ZNF462: variants seen among roughly 807,000 people sequenced by gnomAD.
ZNF462 encodes the protein zinc finger PBX1-interacting protein.
ZNF462 carries 10 observed loss-of-function variants against 201.9 expected under a neutral mutation model. The observed-to-expected ratio is 0.05, with a 90% CI of 0.03 to 0.08. The LOEUF (loss-of-function observed/expected upper bound fraction) is 0.08, where lower values mean the gene tolerates loss of function less well. ZNF462 is among the 10% of genes least tolerant of loss of function. ZNF462 has a pLI of 1.00. For synonymous variants in ZNF462, 1,227 were observed against 1,193.3 expected (o/e 1.03, Z -0.58); for missense variants, 2,523 against 3,168.3 (o/e 0.80, Z 4.89).
At chr9:106,985,851 T>G (rs1480657737) in intron 10 of ZNF462, among the ~76,000 whole-genome samples, 2 of 152,188 alleles carry the variant, frequency 1.3e-5, no homozygotes, top group Non-Finnish European at 2.9e-5. Context: ...GTAACTTCTC[T>G]GCTTTGGAAT....
intron 1 of ZNF462, among the ~76,000 whole-genome samples, chr9:106,864,039 G>GCTCGCTCGCTCTCTCTCT (rs1827179488): frequency 4.4e-5 from 1 of 22,722 alleles, no homozygotes; most frequent in African/African-American, 1.2e-4. Context: ...CAGGTATTTG[G>GCTCGCTCGCTCTCTCTCT]CTCTCTCTCT....
At position 106,930,370 on chromosome 9, in the gene ZNF462, A is replaced by G. The variant is rs145231950; in HGVS notation, c.5848-155A>G. On this transcript the variant is annotated intron_variant, in intron 3 of 12. Transcript: ENST00000277225. This position sits in a 1 kb window ranked among gnomAD's most constrained non-coding sequence, Gnocchi z 5.8. ...TAGTAGGCAGCGTGCCATGATGCTGACAAATTTGTTATATAAAAATACTCG... is the reference window on the plus strand; with the variant it reads ...TAGTAGGCAGCGTGCCATGATGCTGGCAAATTTGTTATATAAAAATACTCG... Among the ~76,000 whole-genome samples the G allele has an allele frequency of 2.0e-3, 304 of 152,320 alleles. No individual in the cohort carries two copies. The highest frequency in any genetic ancestry group is 6.9e-3 in the African/African-American group (288 of 41,566).
At position 106,932,329 on chromosome 9, in the gene ZNF462, G is replaced by T. The variant is rs534931811; in HGVS notation, c.6013-117G>T. Reference sequence around the variant, plus strand: ...GGAAGCAGCCAAAGACGCCAGTGGCGCCCTGGTGGGCCGGGTGGATGGTGA... The same window carrying T: ...GGAAGCAGCCAAAGACGCCAGTGGCTCCCTGGTGGGCCGGGTGGATGGTGA... On this transcript the variant is annotated intron_variant, in intron 4 of 12. Transcript: ENST00000277225. This position sits in a 1 kb window ranked among gnomAD's most constrained non-coding sequence, Gnocchi z 6.8. The T allele has an allele frequency of 6.4e-7, 1 of 1,561,966 alleles. No homozygotes were observed. Among genetic ancestry groups the T allele is most frequent in the Non-Finnish European group, 8.7e-7 (1 of 1,152,742 alleles).
intron 1 of ZNF462, among the ~76,000 whole-genome samples, chr9:106,866,570 C>T (rs975850794): frequency 4.6e-5 from 7 of 152,126 alleles, no homozygotes; most frequent in African/African-American, 1.4e-4. Context: ...TTTAAAAATA[C>T]TTCTGTTAGA....
chr9:107,004,764 A>G (rs1324351437), intron 11 of ZNF462, among the ~76,000 whole-genome samples: 2 of 152,168 alleles, frequency 1.3e-5, no homozygotes, highest in African/African-American at 2.4e-5. Context: ...ATTGTCAGGT[A>G]TACAATATGT....
At position 107,010,079 on chromosome 9, in the gene ZNF462, G is replaced by A. The variant is rs1588214050; in HGVS notation, c.7313+411G>A. 6.6e-6 allele frequency among the ~76,000 whole-genome samples: 1 copy of A among 152,044 alleles called. No individual in the cohort carries two copies. Among genetic ancestry groups the A allele is most frequent in the African/African-American group, 2.4e-5 (1 of 41,386 alleles). On this transcript the variant is annotated intron_variant, in intron 12 of 12. Coordinates refer to ENST00000277225, the MANE Select transcript of ZNF462 (RefSeq NM_021224.6). This position sits in a 1 kb window ranked among gnomAD's most constrained non-coding sequence, Gnocchi z 4.6. Reference sequence around the variant, plus strand: ...CCTGAACATTCCCATGTACTGCCTCGGGGACAGAGCCAGCTTCTGCCTGCC... The same window carrying A: ...CCTGAACATTCCCATGTACTGCCTCAGGGACAGAGCCAGCTTCTGCCTGCC...
chr9:106,948,255 A>G (rs879280539), intron 7 of ZNF462, among the ~76,000 whole-genome samples: 1 of 152,196 alleles, frequency 6.6e-6, no homozygotes, highest in Non-Finnish European at 1.5e-5. Context: ...GCCAGACGAC[A>G]GGAGTACTTA....
At chr9:106,934,076 A>G (rs1359665635) in intron 5 of ZNF462, among the ~76,000 whole-genome samples, 1 of 152,216 alleles carries the variant, frequency 6.6e-6, no homozygotes, top group Non-Finnish European at 1.5e-5. Flanking sequence ...CATTTATTGC[A>G]TCTCACTATA....
Position 107,012,999 on chromosome 9 carries a change from A to T in ZNF462, c.*1969A>T, listed in dbSNP as rs1344237075. Reference sequence around the variant, plus strand: ...GAAAGTGTGAACTATCCAGACAAAGATTCATTTTGTGTCTATATTTGTTTT... The same window carrying T: ...GAAAGTGTGAACTATCCAGACAAAGTTTCATTTTGTGTCTATATTTGTTTT... On this transcript the variant is annotated 3_prime_UTR_variant, in exon 13 of 13. Coordinates refer to ENST00000277225, the MANE Select transcript of ZNF462 (RefSeq NM_021224.6). 3.3e-5 allele frequency: 5 copies of T among 152,182 alleles called. No homozygotes were observed. In the East Asian group the frequency reaches 9.7e-4, roughly 29 times the overall value. 9.4% of individuals were successfully genotyped at this position (152,182 alleles called of 1,614,324 possible).
rs533345879 is a variant in ZNF462 at position 106,870,959 on chromosome 9, T to C, written c.-31+7604T>C. Among the ~76,000 whole-genome samples, 4 of 152,306 alleles carry C rather than the reference T, an allele frequency of 2.6e-5. No individual in the cohort carries two copies. The highest frequency in any genetic ancestry group is 2.6e-4 in the Admixed American group (4 of 15,302). On this transcript the variant is annotated intron_variant, in intron 1 of 12. Coordinates refer to ENST00000277225, the MANE Select transcript of ZNF462 (RefSeq NM_021224.6). This position sits in a 1 kb window ranked among gnomAD's most constrained non-coding sequence, Gnocchi z 4.3. ...TAATGCCATTATTCTTCAGTTTTGC[T>C]CATGTCAGCTGAGTGTTTCTCTTTT... is the stretch of plus-strand genomic sequence containing the variant.
chr9:106,869,549 G>A (rs111367794), intron 1 of ZNF462, among the ~76,000 whole-genome samples: 3 of 152,318 alleles, frequency 2.0e-5, no homozygotes, highest in African/African-American at 7.2e-5. Context: ...CCAAACGAAT[G>A]CATCAATTTT....
chr9:106,906,337 G>C (rs2131242944), intron 1 of ZNF462, among the ~76,000 whole-genome samples: 1 of 152,278 alleles, frequency 6.6e-6, no homozygotes, highest in Non-Finnish European at 1.5e-5. Flanking sequence ...TCAATCTGGA[G>C]CTAAAATTCA....
At position 106,977,425 on chromosome 9, in the gene ZNF462, A is replaced by G. The variant is rs745309569; in HGVS notation, c.6832+3152A>G. ...AGACAGAACTACTGCTGGCAGAAAT[A>G]GAGTTTCCATTGCTTTTTGTCTGTA... On this transcript the variant is annotated intron_variant, in intron 9 of 12. Transcript: ENST00000277225. The surrounding 1 kb of genome is among the most constrained non-coding windows in gnomAD (Gnocchi z 4.6). 3.3e-5 allele frequency among the ~76,000 whole-genome samples: 5 copies of G among 151,610 alleles called. No homozygotes were observed. The highest frequency in any genetic ancestry group is 4.9e-5 in the African/African-American group (2 of 40,866).
At position 106,873,644 on chromosome 9, in the gene ZNF462, C is replaced by T. The variant is rs928630062; in HGVS notation, c.-31+10289C>T. Among the ~76,000 whole-genome samples the T allele has an allele frequency of 2.2e-4, 34 of 152,174 alleles. 1 individual carries two copies. The highest frequency in any genetic ancestry group is 3.4e-3 in the Middle Eastern group (1 of 294). Reference sequence around the variant, plus strand: ...CCCCCTCCACCCCTTTTTGTGATCACCATGTGCTCTATTTAGATCATGGAG... The same window carrying T: ...CCCCCTCCACCCCTTTTTGTGATCATCATGTGCTCTATTTAGATCATGGAG... On this transcript the variant is annotated intron_variant, in intron 1 of 12. Transcript: ENST00000277225.
chr9:106,938,246 A>AC lies in ZNF462; in HGVS notation c.6236-665dup, dbSNP rs1830714307. ...TATTGGAGATAAACACACACACTGT[A>AC]CCCCCTAAACCCCCATGTTTACATA... On this transcript the variant is annotated intron_variant, in intron 6 of 12. Coordinates refer to ENST00000277225, the MANE Select transcript of ZNF462 (RefSeq NM_021224.6). The surrounding 1 kb of genome is among the most constrained non-coding windows in gnomAD (Gnocchi z 4.4). Among the ~76,000 whole-genome samples, 1 of 152,186 alleles carries AC rather than the reference A, an allele frequency of 6.6e-6. No homozygotes were observed. Among genetic ancestry groups the AC allele is most frequent in the South Asian group, 2.1e-4 (1 of 4,832 alleles).
Position 106,920,492 on chromosome 9 carries a change from C to T in ZNF462, c.-30-2862C>T, listed in dbSNP as rs1278319126. Among the ~76,000 whole-genome samples the T allele has an allele frequency of 1.3e-5, 2 of 152,222 alleles. No homozygotes were observed. ...GAAGGCCATTCAGCTCTACCTGATGCTGGTTCTCTCAGCGGCCTGGAGATT... is the reference window on the plus strand; with the variant it reads ...GAAGGCCATTCAGCTCTACCTGATGTTGGTTCTCTCAGCGGCCTGGAGATT... On this transcript the variant is annotated intron_variant, in intron 1 of 12. Transcript: ENST00000277225. This position sits in a 1 kb window ranked among gnomAD's most constrained non-coding sequence, Gnocchi z 4.3.
chr9:106,901,733 G>A (rs1358484721), intron 1 of ZNF462, among the ~76,000 whole-genome samples: 1 of 152,104 alleles, frequency 6.6e-6, no homozygotes, highest in Non-Finnish European at 1.5e-5. Flanking sequence ...TGCTGTTGGT[G>A]TCCAGAAGAG....
Position 107,009,259 on chromosome 9 carries a change from G to A in ZNF462, c.7190-286G>A, listed in dbSNP as rs113835177. The A allele has an allele frequency of 1.5e-3, 570 of 384,964 alleles. 4 individuals are homozygous for A. Among genetic ancestry groups the A allele is most frequent in the African/African-American group, 0.01 (506 of 49,696 alleles). 23.8% of individuals were successfully genotyped at this position (384,964 alleles called of 1,614,324 possible). On this transcript the variant is annotated intron_variant, in intron 11 of 12. Transcript: ENST00000277225. The surrounding 1 kb of genome is among the most constrained non-coding windows in gnomAD (Gnocchi z 6.1). ...AATGCTCAGATTCCTTTGGAATCTCGGGCAAGCGGCTCTTCAGTCAAGAAA... is the reference window on the plus strand; with the variant it reads ...AATGCTCAGATTCCTTTGGAATCTCAGGCAAGCGGCTCTTCAGTCAAGAAA...
chr9:106,897,739 G>C (rs1828870519), intron 1 of ZNF462, among the ~76,000 whole-genome samples: 2 of 152,214 alleles, frequency 1.3e-5, no homozygotes, highest in African/African-American at 4.8e-5. Context: ...CCTTAAGTTT[G>C]AAAATGCCAG....
Sources: allele counts gnomAD v4.1 joint callset (sites outside exome capture counted in the v4.1 genomes callset), GRCh38; gene constraint gnomAD v4.1.1; non-coding constraint Gnocchi (gnomAD v3.1); transcripts MANE v1.5; gene names NCBI Gene and HGNC (gene_info 2026-07-23, HGNC 2026-07-21).